Variants in ADGRB3 observed in about 807,000 individuals in gnomAD.
ADGRB3 encodes the protein adhesion G protein-coupled receptor B3.
A neutral mutation model predicts 193.4 loss-of-function variants in ADGRB3; 37 were observed. The observed-to-expected ratio is 0.19, with a 90% CI of 0.15 to 0.25. The LOEUF is 0.25. ADGRB3 is among the 10% of genes least tolerant of loss of function. The pLI, the probability that ADGRB3 is intolerant of heterozygous loss-of-function variation, is 1.00. For synonymous variants in ADGRB3, 690 were observed against 644.2 expected (o/e 1.07, Z -1.08); for missense variants, 1,637 against 1,852.9 (o/e 0.88, Z 2.14).
chr6:68,745,300 T>C (rs1396728976), intron 3 of ADGRB3, among the ~76,000 whole-genome samples: 1 of 152,162 alleles, frequency 6.6e-6, no homozygotes, highest in Non-Finnish European at 1.5e-5. Context: ...AGCAACAACA[T>C]GGATGAAGCC....
Position 69,165,026 on chromosome 6 carries a change from C to T in ADGRB3, c.2481-68264C>T, listed in dbSNP as rs75347524. ...ACCTTTATTCTGCCTGGAGGCTTCACACAGTCTCCTTACTGCTCACTCCAA... is the reference window on the plus strand; with the variant it reads ...ACCTTTATTCTGCCTGGAGGCTTCATACAGTCTCCTTACTGCTCACTCCAA... On this transcript the variant is annotated intron_variant, in intron 17 of 31. Coordinates refer to ENST00000370598, the MANE Select transcript of ADGRB3 (RefSeq NM_001704.3). 4.7e-3 allele frequency among the ~76,000 whole-genome samples: 711 copies of T among 151,928 alleles called. 7 individuals are homozygous for T. Among genetic ancestry groups the T allele is most frequent in the African/African-American group, 0.016 (661 of 41,440 alleles).
chr6:68,947,905 C>T (rs1219713549), intron 6 of ADGRB3, among the ~76,000 whole-genome samples: 1 of 152,078 alleles, frequency 6.6e-6, no homozygotes, highest in Non-Finnish European at 1.5e-5. Context: ...GAATTTGTTA[C>T]TCTTGAGAGT....
chr6:69,349,211 A>C (rs1189993360), intron 26 of ADGRB3, among the ~76,000 whole-genome samples: 1 of 152,200 alleles, frequency 6.6e-6, no homozygotes, highest in Non-Finnish European at 1.5e-5. Flanking sequence ...CTTCCTTTCT[A>C]TTCTCATGCT....
At chr6:69,134,002 C>T (rs952022507) in intron 17 of ADGRB3, among the ~76,000 whole-genome samples, 2 of 152,138 alleles carry the variant, frequency 1.3e-5, no homozygotes, top group Non-Finnish European at 2.9e-5. Context: ...CAGGTTGTTG[C>T]AAATGCCATT....
chr6:68,866,852 G>A (rs1017022507), intron 3 of ADGRB3, among the ~76,000 whole-genome samples: 1 of 152,140 alleles, frequency 6.6e-6, no homozygotes, highest in Admixed American at 6.5e-5. Flanking sequence ...TAGAGTATCG[G>A]GCAGGAGAAA....
chr6:68,816,379 CTAAT>C (rs1397651883), intron 3 of ADGRB3, among the ~76,000 whole-genome samples: 1 of 151,740 alleles, frequency 6.6e-6, no homozygotes, highest in Non-Finnish European at 1.5e-5. Context: ...GTATTTATAA[CTAAT>C]TATATAAAAT....
chr6:68,695,333 T>C (rs151332543), intron 3 of ADGRB3, among the ~76,000 whole-genome samples: 1 of 152,114 alleles, frequency 6.6e-6, no homozygotes, highest in African/African-American at 2.4e-5. Flanking sequence ...TGAATTGAAA[T>C]TACCATAACT....
chr6:69,060,607 T>G (rs1771720165), intron 15 of ADGRB3, among the ~76,000 whole-genome samples: 1 of 152,104 alleles, frequency 6.6e-6, no homozygotes, highest in African/African-American at 2.4e-5. Context: ...TGGTAATCAT[T>G]GGGTTTTATT....
Position 69,388,936 on chromosome 6 carries a change from G to T in ADGRB3, c.*45G>T. 1 of 1,545,678 alleles carries T rather than the reference G, an allele frequency of 6.5e-7. No homozygotes were observed. The highest frequency in any genetic ancestry group is 1.2e-5 in the South Asian group (1 of 81,212). Reference sequence around the variant, plus strand: ...GGTAGAGACAAAACTTTATTGCACTGACACTTAAGACTTGGGAAGCCTGAC... The same window carrying T: ...GGTAGAGACAAAACTTTATTGCACTTACACTTAAGACTTGGGAAGCCTGAC... On this transcript the variant is annotated 3_prime_UTR_variant, in exon 32 of 32. Transcript: ENST00000370598.
chr6:69,332,959 C>T lies in ADGRB3; in HGVS notation c.3139C>T (p.Leu1047Phe). The change falls in exon 24 of 32, where the codon CTT becomes TTT. Residue 1047 changes from leucine (L) to phenylalanine (F), a missense_variant. Around this residue, in one of 7 missense-constraint regions of ADGRB3, gnomAD observed 87 missense variants for 161.0 expected, o/e 0.54. Transcript: ENST00000370598. ...GATTGGCATTTTGGTATTTAATAAA[C>T]TTGTTTCCAGAGATGGAATCCTAGA... The part of the protein sequence containing the change: ...MVIGILVFNK[L>F]VSRDGILDKK... 1 of 1,613,712 alleles carries T rather than the reference C, an allele frequency of 6.2e-7. No individual in the cohort carries two copies. Among genetic ancestry groups the T allele is most frequent in the Non-Finnish European group, 8.5e-7 (1 of 1,179,822 alleles).
At chr6:69,137,520 C>T (rs1774188352) in intron 17 of ADGRB3, among the ~76,000 whole-genome samples, 2 of 152,034 alleles carry the variant, frequency 1.3e-5, no homozygotes, top group Admixed American at 6.6e-5. Context: ...GCCCCTTGTC[C>T]AGGCATGGTG....
At chr6:69,385,982 T>G (rs1770061466) in intron 31 of ADGRB3, among the ~76,000 whole-genome samples, 1 of 152,010 alleles carries the variant, frequency 6.6e-6, no homozygotes, top group South Asian at 2.1e-4. Context: ...AGTGCAGTAG[T>G]TTTTTACCAC....
chr6:69,153,014 G>C (rs1415049458), intron 17 of ADGRB3, among the ~76,000 whole-genome samples: 1 of 152,072 alleles, frequency 6.6e-6, no homozygotes, highest in Admixed American at 6.6e-5. Context: ...ATGTGCAGGT[G>C]CTAAGCTTAG....
Position 68,956,855 on chromosome 6 carries a change from G to C in ADGRB3, c.1525+46G>C, listed in dbSNP as rs1463393705. The C allele has an allele frequency of 6.1e-6, 9 of 1,487,520 alleles. No homozygotes were observed. In the African/African-American group the frequency reaches 1.3e-4, roughly 21 times the overall value. 92.1% of individuals were successfully genotyped at this position (1,487,520 alleles called of 1,614,324 possible). On this transcript the variant is annotated intron_variant, in intron 8 of 31. Coordinates refer to ENST00000370598, the MANE Select transcript of ADGRB3 (RefSeq NM_001704.3). ...TCCCAAAAGAAACATTTCATAACGT[G>C]AAAAAAAAAAGATTTAAAAATATTG...
chr6:69,276,989 CT>C (rs1213850205), intron 20 of ADGRB3, among the ~76,000 whole-genome samples: 59 of 141,458 alleles, frequency 4.2e-4, no homozygotes, highest in East Asian at 1.0e-3. Context: ...TATAGTCTTT[CT>C]TTTTTTTTTT....
At chr6:69,112,700 A>G (rs1048258112) in intron 17 of ADGRB3, among the ~76,000 whole-genome samples, 1 of 152,228 alleles carries the variant, frequency 6.6e-6, no homozygotes, top group Non-Finnish European at 1.5e-5. Flanking sequence ...TCTAAAAACA[A>G]TATAGTATGA....
rs1766998836 is a variant in ADGRB3, at chr6:68,787,416, TG to T, written c.758-143142del. ...TTCTGCATCTATTGAGATAATCATG[TG>T]TTTTTTGTCTTTAGTTCTGTTTATG... On this transcript the variant is annotated intron_variant, in intron 3 of 31. Coordinates refer to ENST00000370598, the MANE Select transcript of ADGRB3 (RefSeq NM_001704.3). 2.0e-5 allele frequency among the ~76,000 whole-genome samples: 3 copies of T among 151,988 alleles called. No homozygotes were observed. In the South Asian group the frequency reaches 6.3e-4, roughly 32 times the overall value.
chr6:69,221,057 T>C (rs1765882998), intron 17 of ADGRB3, among the ~76,000 whole-genome samples: 1 of 152,050 alleles, frequency 6.6e-6, no homozygotes, highest in African/African-American at 2.4e-5. Flanking sequence ...TTCTAATCTA[T>C]GCAATCCCAG....
intron 3 of ADGRB3, among the ~76,000 whole-genome samples, chr6:68,789,514 G>T (rs572423659): frequency 6.6e-6 from 1 of 152,184 alleles, no homozygotes; most frequent in African/African-American, 2.4e-5. Flanking sequence ...GAGTTTCTGC[G>T]GAGAGATCAG....
Sources: allele counts gnomAD v4.1 joint callset (sites outside exome capture counted in the v4.1 genomes callset), GRCh38; gene constraint gnomAD v4.1.1; regional missense constraint gnomAD v4.1.1; transcripts MANE v1.5; gene names NCBI Gene and HGNC (gene_info 2026-07-23, HGNC 2026-07-21).